The following CBFA2T2 variants were observed in gnomAD, a reference collection of about 807,000 sequenced individuals.
CBFA2T2 encodes the protein CBFA2/RUNX1 partner transcriptional co-repressor 2.
A neutral mutation model predicts 62.2 loss-of-function variants in CBFA2T2; 11 were observed. The ratio of observed to expected loss-of-function variants is 0.18; its 90% CI spans 0.11 to 0.29. The LOEUF (loss-of-function observed/expected upper bound fraction) is 0.29. CBFA2T2 is among the 10% of genes least tolerant of loss of function. CBFA2T2 has a pLI of 1.00. For synonymous variants in CBFA2T2, 295 were observed against 287.5 expected (o/e 1.03, Z -0.27); for missense variants, 592 against 774.1 (o/e 0.76, Z 2.79).
chr20:33,529,050 G>A (rs1174151670), intron 1 of CBFA2T2, among the ~76,000 whole-genome samples: 3 of 152,056 alleles, frequency 2.0e-5, no homozygotes, highest in African/African-American at 7.2e-5. Context: ...TTTTGAGACG[G>A]AGTCTTGTTC....
chr20:33,629,557 G>A (rs73259828), intron 7 of CBFA2T2, among the ~76,000 whole-genome samples, 162 bp from the exon 8 acceptor site: 241 of 152,354 alleles, frequency 1.6e-3, no homozygotes, highest in African/African-American at 4.4e-3. Context: ...CTTCCTAGCT[G>A]ATGGAGAAAC....
intron 1 of CBFA2T2, among the ~76,000 whole-genome samples, chr20:33,492,691 TG>T (rs1402436836): frequency 6.6e-6 from 1 of 151,954 alleles, no homozygotes; most frequent in African/African-American, 2.4e-5. Context: ...TTTTATTTTT[TG>T]TAGAGATGGG....
At chr20:33,530,550 T>G (rs1231715678) in intron 1 of CBFA2T2, among the ~76,000 whole-genome samples, 2 of 152,062 alleles carry the variant, frequency 1.3e-5, no homozygotes, top group Non-Finnish European at 2.9e-5. Context: ...CCCAGGTAGC[T>G]GGGATTACAG....
At chr20:33,640,659 C>T (rs1320232601) in intron 10 of CBFA2T2, 128 bp downstream of exon 10, 1 of 773,626 alleles carries the variant, frequency 1.3e-6, no homozygotes, top group Non-Finnish European at 2.1e-6. Context: ...TAATTTTTAT[C>T]CAGTGCCAGG....
chr20:33,580,004 A>G (rs2014039782), intron 1 of CBFA2T2, among the ~76,000 whole-genome samples: 1 of 151,710 alleles, frequency 6.6e-6, no homozygotes, highest in Admixed American at 6.6e-5. Flanking sequence ...TTTAGTAGAG[A>G]CGGGGTTTCT....
At chr20:33,631,111 G>A (rs1216896026) in intron 8 of CBFA2T2, among the ~76,000 whole-genome samples, 4 of 152,050 alleles carry the variant, frequency 2.6e-5, no homozygotes, top group African/African-American at 9.7e-5. Flanking sequence ...TCAGGAGATC[G>A]AGACCATCCT....
At chr20:33,555,014 C>T (rs1354914350) in intron 1 of CBFA2T2, among the ~76,000 whole-genome samples, 1 of 152,124 alleles carries the variant, frequency 6.6e-6, no homozygotes, top group Non-Finnish European at 1.5e-5. Flanking sequence ...AGGCAGCATT[C>T]AAAACTGGAA....
intron 1 of CBFA2T2, among the ~76,000 whole-genome samples, chr20:33,596,919 GTTTTTTTTT>G (rs59278499): frequency 8.0e-6 from 1 of 125,372 alleles, no homozygotes; most frequent in Non-Finnish European, 1.7e-5. Flanking sequence ...CTTGACCTCT[GTTTTTTTTT>G]TTTTTTTTTC....
chr20:33,540,481 G>C (rs1219169278), intron 1 of CBFA2T2, among the ~76,000 whole-genome samples: 3 of 152,170 alleles, frequency 2.0e-5, no homozygotes, highest in African/African-American at 7.2e-5. Flanking sequence ...TGAAAATATA[G>C]TAATCTTATG....
chr20:33,538,681 G>A (rs1457112712), intron 1 of CBFA2T2, among the ~76,000 whole-genome samples: 2 of 152,086 alleles, frequency 1.3e-5, no homozygotes, highest in Non-Finnish European at 2.9e-5. Context: ...TGGATTTTCT[G>A]TACATCATTT....
chr20:33,513,858 T>C (rs533638599), intron 1 of CBFA2T2, among the ~76,000 whole-genome samples: 1 of 149,470 alleles, frequency 6.7e-6, no homozygotes, highest in South Asian at 2.1e-4. Flanking sequence ...CTGTTTAATA[T>C]ATTTAGGTGT....
intron 8 of CBFA2T2, 62 bp downstream of exon 8, chr20:33,629,976 T>C (rs2122355303): frequency 7.1e-7 from 1 of 1,415,028 alleles, no homozygotes; most frequent in East Asian, 2.4e-5. Flanking sequence ...CACCAATCTG[T>C]CACAGAAGGC....
intron 1 of CBFA2T2, among the ~76,000 whole-genome samples, chr20:33,502,853 G>T (rs1281470494): frequency 6.6e-6 from 1 of 150,472 alleles, no homozygotes; most frequent in African/African-American, 2.4e-5. Flanking sequence ...CACTTTGGGA[G>T]GCCGAGGGGG....
chr20:33,609,904 G>T (rs989351419), intron 2 of CBFA2T2, among the ~76,000 whole-genome samples: 4 of 152,080 alleles, frequency 2.6e-5, no homozygotes, highest in Non-Finnish European at 5.9e-5. Flanking sequence ...CACTTTTTTA[G>T]TTTTTTAAGG....
At chr20:33,493,125 G>A (rs1279787713) in intron 1 of CBFA2T2, among the ~76,000 whole-genome samples, 5 of 147,084 alleles carry the variant, frequency 3.4e-5, no homozygotes, top group Admixed American at 6.9e-5. Context: ...GCTCAGGCTG[G>A]CGTGCAATGG....
At position 33,619,525 on chromosome 20, in the gene CBFA2T2, A is replaced by G. The variant is rs1381408213; in HGVS notation, c.429A>G (p.Thr143=). The G allele has an allele frequency of 6.3e-7, 1 of 1,598,944 alleles. No individual in the cohort carries two copies. The highest frequency in any genetic ancestry group is 8.5e-7 in the Non-Finnish European group (1 of 1,173,064). ...RTLVLALVNS[T]VTIEEFHCKL... ...GTTATTTATCTTTTCAGAACTCAACAGTGACAATTGAGGAATTCCACTGTA... is the reference window on the plus strand; with the variant it reads ...GTTATTTATCTTTTCAGAACTCAACGGTGACAATTGAGGAATTCCACTGTA... Residue 143 remains threonine (T), a synonymous_variant, in exon 4 of 11, where the codon ACA becomes ACG. Coordinates refer to ENST00000342704, the MANE Select transcript of CBFA2T2 (RefSeq NM_001032999.3).
Position 33,624,989 on chromosome 20 carries a change from A to G in CBFA2T2, c.918A>G (p.Arg306=). 6.2e-7 allele frequency: 1 copy of G among 1,614,204 alleles called. No homozygotes were observed. Among genetic ancestry groups the G allele is most frequent in the South Asian group, 1.1e-5 (1 of 91,084 alleles). Residue 306 remains arginine (R), a synonymous_variant, in exon 6 of 11, where the codon CGA becomes CGG. Coordinates refer to ENST00000342704, the MANE Select transcript of CBFA2T2 (RefSeq NM_001032999.3). ...AACCCAACAAGATGCTAGAGCATCG[A>G]GAAGTTCGTGATAGACACCACAGTC... ...YREPNKMLEH[R]EVRDRHHSLG...
chr20:33,580,794 C>T (rs975965828), intron 1 of CBFA2T2, among the ~76,000 whole-genome samples: 2 of 152,118 alleles, frequency 1.3e-5, no homozygotes, highest in African/African-American at 4.8e-5. Flanking sequence ...GTTGAGACTG[C>T]AGTGAGCAGA....
intron 1 of CBFA2T2, among the ~76,000 whole-genome samples, chr20:33,537,139 C>T (rs1297011493): frequency 1.3e-5 from 2 of 152,218 alleles, no homozygotes; most frequent in Non-Finnish European, 2.9e-5. Context: ...AGGCAGGCGG[C>T]TGGGAGGTGG....
Sources: gnomAD v4.1 joint callset for allele counts (sites outside exome capture counted in the v4.1 genomes callset) on GRCh38, gnomAD v4.1.1 for gene constraint, MANE v1.5 for transcripts, NCBI Gene and HGNC (gene_info 2026-07-23, HGNC 2026-07-21) for gene names.